PRDM2: variants seen among roughly 807,000 people sequenced by gnomAD.
PRDM2 encodes PR domain zinc finger protein 2.
In PRDM2, 30 loss-of-function variants were observed where a neutral mutation model predicts 130.0. The ratio of observed to expected loss-of-function variants is 0.23; its 90% CI spans 0.17 to 0.31. The LOEUF is 0.31. PRDM2 is among the 10% of genes least tolerant of loss of function. The probability of loss-of-function intolerance (pLI) is 1.00; values close to 1 mark genes in which losing one functional copy is unlikely to be tolerated. For missense variants in PRDM2, 2,011 were observed against 2,108.4 expected (o/e 0.95, Z 0.90); for synonymous variants, 871 against 782.4 (o/e 1.11, Z -1.89).
At chr1:13,716,939 C>A (rs1444217042) in intron 2 of PRDM2, among the ~76,000 whole-genome samples, 2 of 144,968 alleles carry the variant, frequency 1.4e-5, no homozygotes, top group Non-Finnish European at 3.1e-5. Flanking sequence ...ACTTTAGACA[C>A]CTTTTTTTTC....
At chr1:13,737,009 A>G (rs1303647144) in intron 4 of PRDM2, among the ~76,000 whole-genome samples, 1 of 152,228 alleles carries the variant, frequency 6.6e-6, no homozygotes, top group Non-Finnish European at 1.5e-5. Context: ...CAGCGCTGCT[A>G]TGATTAAATA....
chr1:13,744,916 C>T (rs1210130884), intron 5 of PRDM2, among the ~76,000 whole-genome samples: 1 of 152,196 alleles, frequency 6.6e-6, no homozygotes, highest in African/African-American at 2.4e-5. Flanking sequence ...GCTCTGTGGG[C>T]TCTGTATCTT....
chr1:13,819,759 T>A (rs1293504045), intron 9 of PRDM2, among the ~76,000 whole-genome samples: 1 of 152,192 alleles, frequency 6.6e-6, no homozygotes, highest in East Asian at 1.9e-4. Context: ...GACGGCCACC[T>A]CATTGCTGTG....
intron 8 of PRDM2, among the ~76,000 whole-genome samples, chr1:13,784,605 T>C (rs1644696044): frequency 6.6e-6 from 1 of 152,224 alleles, no homozygotes; most frequent in Non-Finnish European, 1.5e-5. Context: ...CAGTGTCTTT[T>C]GAGTAACCTT....
intron 9 of PRDM2, among the ~76,000 whole-genome samples, chr1:13,822,371 G>A (rs1645366010): frequency 6.6e-6 from 1 of 151,528 alleles, no homozygotes; most frequent in Non-Finnish European, 1.5e-5. Context: ...AGGAATAGAT[G>A]GATAGAGGTG....
chr1:13,722,345 C>T (rs1642756989), intron 2 of PRDM2, among the ~76,000 whole-genome samples: 1 of 152,036 alleles, frequency 6.6e-6, no homozygotes, highest in Non-Finnish European at 1.5e-5. Flanking sequence ...AATTGAGGGC[C>T]AGGTGAAAGT....
At chr1:13,767,624 A>G (rs888560687) in intron 6 of PRDM2, among the ~76,000 whole-genome samples, 11 of 152,070 alleles carry the variant, frequency 7.2e-5, no homozygotes, top group Non-Finnish European at 1.0e-4. Flanking sequence ...TCTTTATGCA[A>G]CTTTTTTCAC....
chr1:13,770,028 T>C (rs2359758), intron 6 of PRDM2, among the ~76,000 whole-genome samples: 4,853 of 152,250 alleles, frequency 0.032, 96 homozygotes, highest in Middle Eastern at 0.065. Flanking sequence ...AAGGATGATC[T>C]GGCCCAGATG....
At chr1:13,811,761 C>T (rs529850889) in intron 8 of PRDM2, among the ~76,000 whole-genome samples, 2 of 152,186 alleles carry the variant, frequency 1.3e-5, no homozygotes, top group Non-Finnish European at 2.9e-5. Flanking sequence ...CACAGAAAGA[C>T]AGAAGGAAGA....
rs112629899 is a variant in PRDM2, at chr1:13,805,022, A to G, written c.5037-11405A>G. ...GGATTCAAATCTTGGCTGCTTCTCT[A>G]CTTGGCCGAGGGAACTTGAGTGTCC... is the stretch of plus-strand genomic sequence containing the variant. On this transcript the variant is annotated intron_variant, in intron 8 of 9. Transcript: ENST00000311066. Among the ~76,000 whole-genome samples the G allele has an allele frequency of 7.6e-3, 1,158 of 152,198 alleles. 16 individuals carry two copies. Among genetic ancestry groups the G allele is most frequent in the African/African-American group, 0.026 (1,069 of 41,530 alleles).
intron 9 of PRDM2, among the ~76,000 whole-genome samples, chr1:13,818,636 C>G (rs958361661): frequency 6.6e-6 from 1 of 151,884 alleles, no homozygotes; most frequent in African/African-American, 2.4e-5. Context: ...CTGCCTGCCT[C>G]TGCCTCCCAA....
At chr1:13,792,296 T>A (rs933988852) in intron 8 of PRDM2, among the ~76,000 whole-genome samples, 12 of 152,240 alleles carry the variant, frequency 7.9e-5, no homozygotes, top group African/African-American at 2.9e-4. Context: ...CACAGGTAAG[T>A]TAACAAAAGG....
intron 4 of PRDM2, among the ~76,000 whole-genome samples, chr1:13,734,097 A>G (rs769392428): frequency 6.6e-6 from 1 of 152,172 alleles, no homozygotes; most frequent in Non-Finnish European, 1.5e-5. Flanking sequence ...GTTATAATGT[A>G]TCTTCTGACT....
intron 8 of PRDM2, among the ~76,000 whole-genome samples, chr1:13,800,450 C>T (rs139581421): frequency 2.8e-4 from 43 of 152,172 alleles, no homozygotes; most frequent in African/African-American, 7.9e-4. Context: ...CTTGTTCCAC[C>T]ATCATTGTGT....
chr1:13,753,870 T>C (rs1643890465), intron 6 of PRDM2, among the ~76,000 whole-genome samples: 1 of 152,244 alleles, frequency 6.6e-6, no homozygotes, highest in Non-Finnish European at 1.5e-5. Flanking sequence ...TTAACAAGTA[T>C]TCCTTGCATC....
At position 13,780,559 on chromosome 1, in the gene PRDM2, C is replaced by G; in HGVS notation, c.2764C>G (p.Gln922Glu). Residue 922 changes from glutamine to glutamate, a missense_variant, in exon 8 of 10, where the codon CAG becomes GAG. By Grantham distance (29) the Gln-to-Glu change is conservative. This residue lies in a region of PRDM2 where 1,288 missense variants were observed against 1,237.7 expected (regional missense o/e 1.04). Transcript: ENST00000311066. ...AAGTCCTTGTAAATCCCTAGAAGCTCAGCCAGATCCTGACCTCGGTCCGGG... is the reference window on the plus strand; with the variant it reads ...AAGTCCTTGTAAATCCCTAGAAGCTGAGCCAGATCCTGACCTCGGTCCGGG... ...SPSPCKSLEA[Q>E]PDPDLGPGSG... is the part of the protein sequence containing the mutation. The G allele has an allele frequency of 2.5e-6, 4 of 1,614,152 alleles. No homozygotes were observed. In the South Asian group the frequency reaches 4.4e-5, roughly 18 times the overall value.
intron 6 of PRDM2, among the ~76,000 whole-genome samples, chr1:13,765,809 G>A (rs1436757538): frequency 6.6e-6 from 1 of 152,016 alleles, no homozygotes; most frequent in Non-Finnish European, 1.5e-5. Context: ...ATTATCCATC[G>A]ATTCCTCTTC....
chr1:13,722,662 C>T (rs898302243), intron 2 of PRDM2, among the ~76,000 whole-genome samples: 8 of 152,154 alleles, frequency 5.3e-5, no homozygotes, highest in African/African-American at 1.4e-4. Flanking sequence ...AAAGCTCCTT[C>T]TCCTGCTTAC....
Position 13,779,878 on chromosome 1 carries a change from C to G in PRDM2, c.2083C>G (p.Leu695Val). Residue 695 changes from leucine (L) to valine (V), a missense_variant, in exon 8 of 10, where the codon CTT becomes GTT. Leu to Val is a conservative substitution (Grantham distance 32). Around this residue, in one of 5 missense-constraint regions of PRDM2, gnomAD observed 1,288 missense variants for 1,237.7 expected, o/e 1.04. Coordinates refer to ENST00000311066, the MANE Select transcript of PRDM2 (RefSeq NM_001393986.1). The surrounding 1 kb of genome is among the most constrained non-coding windows in gnomAD (Gnocchi z 4.9). ...TTTGTCATCAAAGCTCAAACAACTTCTTCAAACCCAAGATAAACTAACTCC... is the reference window on the plus strand; with the variant it reads ...TTTGTCATCAAAGCTCAAACAACTTGTTCAAACCCAAGATAAACTAACTCC... ...VYLSSKLKQL[L>V]QTQDKLTPAG... The G allele has an allele frequency of 6.2e-7, 1 of 1,606,566 alleles. No individual in the cohort carries two copies. Among genetic ancestry groups the G allele is most frequent in the Non-Finnish European group, 8.5e-7 (1 of 1,178,650 alleles).
Sources: gnomAD v4.1 joint callset for allele counts (sites outside exome capture counted in the v4.1 genomes callset) on GRCh38, gnomAD v4.1.1 for gene constraint, gnomAD v4.1.1 regional missense constraint, Gnocchi (gnomAD v3.1) non-coding constraint, MANE v1.5 for transcripts, NCBI Gene and HGNC (gene_info 2026-07-23, HGNC 2026-07-21) for gene names.